Variants in LOC400499 observed in about 807,000 individuals in gnomAD.
chr16:11,469,198 C>G, the LOC400499 span: 1 of 399,548 alleles, frequency 2.5e-6, no homozygotes, highest in Non-Finnish European at 4.4e-6. Flanking sequence ...ACGTCCCTGT[C>G]ATCCAGCACC....
the LOC400499 span, chr16:11,446,667 C>T: frequency 7.5e-4 from 1,154 of 1,534,088 alleles, 9 homozygotes; most frequent in African/African-American, 0.014. Context: ...CATGTACACA[C>T]GCATGCAGGG....
At chr16:11,422,541 G>A in the LOC400499 span, among the ~76,000 whole-genome samples, 1 of 131,458 alleles carries the variant, frequency 7.6e-6, no homozygotes, top group Admixed American at 7.6e-5. Context: ...TGAGCATGCA[G>A]CAGGTGGCAA....
the LOC400499 span, among the ~76,000 whole-genome samples, chr16:11,490,706 A>G: frequency 6.6e-6 from 1 of 152,242 alleles, no homozygotes; most frequent in African/African-American, 2.4e-5. Flanking sequence ...GTCTCAAAAA[A>G]CAAAACAAAA....
At chr16:11,378,207 G>T in the LOC400499 span, among the ~76,000 whole-genome samples, 2 of 147,272 alleles carry the variant, frequency 1.4e-5, no homozygotes, top group Non-Finnish European at 3.0e-5. Context: ...AAGTAGCTAG[G>T]ATTATAGAAC....
the LOC400499 span, among the ~76,000 whole-genome samples, chr16:11,519,741 T>G: frequency 6.6e-6 from 1 of 151,880 alleles, no homozygotes; most frequent in East Asian, 1.9e-4. Context: ...GTTTTGCTCT[T>G]GTTTTCCAGG....
chr16:11,441,073 T>A, the LOC400499 span: 1 of 399,064 alleles, frequency 2.5e-6, no homozygotes. Context: ...TCTCTGTTCT[T>A]AGCCTGGGTG....
the LOC400499 span, chr16:11,457,149 C>T: frequency 9.6e-7 from 1 of 1,036,880 alleles, no homozygotes; most frequent in Non-Finnish European, 1.4e-6. Context: ...TACTGCACTC[C>T]ACACGGGCAA....
At chr16:11,383,856 C>G in the LOC400499 span, 2 of 1,232,080 alleles carry the variant, frequency 1.6e-6, no homozygotes, top group African/African-American at 1.6e-5. Flanking sequence ...AAAGGGCCTT[C>G]TGCACCCCAT....
At chr16:11,517,264 C>A in the LOC400499 span, among the ~76,000 whole-genome samples, 2 of 152,192 alleles carry the variant, frequency 1.3e-5, no homozygotes, top group East Asian at 3.8e-4. Context: ...CCTCCCCTTT[C>A]CCCTGAAAAT....
At chr16:11,441,778 C>A in the LOC400499 span, among the ~76,000 whole-genome samples, 1 of 152,118 alleles carries the variant, frequency 6.6e-6, no homozygotes, top group Admixed American at 6.6e-5. Context: ...AGGCAGCTTC[C>A]ACAAGCTGGA....
chr16:11,486,006 G>C, the LOC400499 span, among the ~76,000 whole-genome samples: 1 of 152,170 alleles, frequency 6.6e-6, no homozygotes, highest in Non-Finnish European at 1.5e-5. Context: ...TAAGTGAATG[G>C]ATGGATGGGT....
the LOC400499 span, chr16:11,494,484 AC>A: frequency 4.8e-6 from 1 of 207,140 alleles, no homozygotes; most frequent in Non-Finnish European, 9.5e-6. Context: ...GGGGGAACCC[AC>A]CCCCACCCTC....
the LOC400499 span, among the ~76,000 whole-genome samples, chr16:11,500,573 C>G: frequency 6.7e-6 from 1 of 150,240 alleles, no homozygotes; most frequent in Non-Finnish European, 1.5e-5. Flanking sequence ...AATCACTTGC[C>G]TGGGATCACA....
chr16:11,485,858 T>C, the LOC400499 span, among the ~76,000 whole-genome samples: 3 of 152,040 alleles, frequency 2.0e-5, no homozygotes, highest in East Asian at 5.8e-4. Flanking sequence ...GGATGAAAGA[T>C]GGATGAGTGG....
chr16:11,516,003 T>C, the LOC400499 span: 2 of 399,602 alleles, frequency 5.0e-6, no homozygotes, highest in Admixed American at 8.8e-5. Flanking sequence ...AGGTCCTTTG[T>C]CTTGTGTAGC....
chr16:11,475,803 A>C, the LOC400499 span: 6 of 395,134 alleles, frequency 1.5e-5, no homozygotes, highest in Non-Finnish European at 2.7e-5. Context: ...AGCTTGGCAC[A>C]GGGGCAAATT....
the LOC400499 span, among the ~76,000 whole-genome samples, chr16:11,499,364 G>T: frequency 3.3e-5 from 5 of 149,510 alleles, no homozygotes; most frequent in African/African-American, 1.2e-4. Context: ...GGGGGAAGGG[G>T]AAGGAGACAG....
At chr16:11,478,474 G>C in the LOC400499 span, 4 of 398,770 alleles carry the variant, frequency 1.0e-5, no homozygotes, top group Admixed American at 4.4e-5. Context: ...ATGCCCTTAA[G>C]TGCTTTGCCA....
chr16:11,446,524 A>G, the LOC400499 span: 16 of 1,533,418 alleles, frequency 1.0e-5, no homozygotes, highest in East Asian at 1.2e-4. Context: ...CTGGGGTGCA[A>G]AAGTCTCTGG....
Sources: gnomAD v4.1 joint callset for allele counts (sites outside exome capture counted in the v4.1 genomes callset) on GRCh38, gnomAD v4.1.1 for gene constraint, MANE v1.5 for transcripts.